The following TSPAN8 variants were observed in gnomAD, a reference collection of about 807,000 sequenced individuals.
The protein encoded by TSPAN8 is tetraspanin 8, also known as tetraspanin-8.
Under a neutral mutation model 32.8 loss-of-function variants are expected in TSPAN8, and 21 were observed. That is an observed-to-expected ratio of 0.64 (90% CI 0.45 to 0.92). The LOEUF (loss-of-function observed/expected upper bound fraction) is 0.92, where lower values mean the gene tolerates loss of function less well. Among genes scored for constraint, TSPAN8 ranks in the 40% least tolerant of loss-of-function variants. The probability of loss-of-function intolerance (pLI) is 0.00; values close to 1 mark genes in which losing one functional copy is unlikely to be tolerated. For synonymous variants in TSPAN8, 95 were observed against 94.6 expected (o/e 1.00, Z -0.03); for missense variants, 269 against 281.9 (o/e 0.95, Z 0.33).
chr12:71,152,344 G>A (rs188486688), intron 2 of TSPAN8, among the ~76,000 whole-genome samples: 13 of 151,976 alleles, frequency 8.6e-5, no homozygotes, highest in East Asian at 7.7e-4. Flanking sequence ...TTTCCTCTTC[G>A]TTTTAAAACT....
At chr12:71,135,486 G>A (rs561300192) in intron 6 of TSPAN8, among the ~76,000 whole-genome samples, 9 of 146,892 alleles carry the variant, frequency 6.1e-5, no homozygotes, top group Middle Eastern at 3.5e-3. Context: ...AAGGGGAGGC[G>A]GAGGAGAAGA....
intron 8 of TSPAN8, among the ~76,000 whole-genome samples, chr12:71,126,806 G>C (rs555005332): frequency 6.6e-6 from 1 of 150,824 alleles, no homozygotes; most frequent in African/African-American, 2.4e-5. Context: ...ATCATCTTTT[G>C]TGCTTGTAAG....
intron 2 of TSPAN8, among the ~76,000 whole-genome samples, chr12:71,145,501 G>GAC (rs995737499): frequency 3.3e-5 from 5 of 151,730 alleles, no homozygotes; most frequent in Non-Finnish European, 4.4e-5. Flanking sequence ...CACACACATA[G>GAC]ACACACACAC....
intron 6 of TSPAN8, among the ~76,000 whole-genome samples, chr12:71,135,621 T>A (rs996515433): frequency 6.6e-6 from 1 of 152,084 alleles, no homozygotes; most frequent in African/African-American, 2.4e-5. Context: ...CACAAGGAAC[T>A]TCAGGCACAG....
chr12:71,147,489 TAAGAA>T (rs996726276), intron 2 of TSPAN8, among the ~76,000 whole-genome samples: 3 of 152,094 alleles, frequency 2.0e-5, no homozygotes, highest in African/African-American at 4.8e-5. Flanking sequence ...TAAAAAAGAA[TAAGAA>T]AATATGCAAG....
At position 71,142,434 on chromosome 12, in the gene TSPAN8, A is replaced by T. The variant is rs150165025; in HGVS notation, c.123+1717T>A. On this transcript the variant is annotated intron_variant, in intron 3 of 8. Transcript: ENST00000247829. ...GAAAGAAAATACCAACAGGAAGTAA[A>T]ATTAAAATAAAATAAATTGCAGGCT... Among the ~76,000 whole-genome samples the T allele has an allele frequency of 2.1e-3, 315 of 152,282 alleles. 2 individuals are homozygous for T. Among genetic ancestry groups the T allele is most frequent in the African/African-American group, 7.4e-3 (308 of 41,548 alleles).
At chr12:71,152,874 A>T (rs955615612) in intron 2 of TSPAN8, among the ~76,000 whole-genome samples, 2 of 152,210 alleles carry the variant, frequency 1.3e-5, no homozygotes, top group East Asian at 1.9e-4. Context: ...CTCTCAGCAC[A>T]TCCAATCTCA....
Position 71,129,420 on chromosome 12 carries a change from A to T in TSPAN8, c.577-6T>A, listed in dbSNP as rs749082768. 7 of 267,808 alleles carry T rather than the reference A, an allele frequency of 2.6e-5. No homozygotes were observed. Among genetic ancestry groups the T allele is most frequent in the Admixed American group, 7.1e-5 (1 of 14,022 alleles). 16.6% of individuals were successfully genotyped at this position (267,808 alleles called of 1,614,324 possible). ...TTTATGAAAGAAATACAGGTCTGTTAAAAAAAAAAAACATTAAAAGTTACC... is the reference window on the plus strand; with the variant it reads ...TTTATGAAAGAAATACAGGTCTGTTTAAAAAAAAAAACATTAAAAGTTACC... On this transcript the variant is annotated splice_region_variant and splice_polypyrimidine_tract_variant and intron_variant, in intron 7 of 8. Coordinates refer to ENST00000247829, the MANE Select transcript of TSPAN8 (RefSeq NM_004616.3).
intron 3 of TSPAN8, among the ~76,000 whole-genome samples, chr12:71,142,755 C>T (rs1262677074): frequency 2.0e-5 from 3 of 151,368 alleles, no homozygotes; most frequent in Non-Finnish European, 4.4e-5. Context: ...ATGTGGAAGC[C>T]GCTAATTGCC....
intron 4 of TSPAN8, 21 bp downstream of exon 4, chr12:71,139,690 G>C: frequency 6.2e-7 from 1 of 1,611,238 alleles, no homozygotes; most frequent in Non-Finnish European, 8.5e-7. Flanking sequence ...TTGGACACTG[G>C]GATTTGTTTG....
At chr12:71,149,902 G>C (rs1036607648) in intron 2 of TSPAN8, among the ~76,000 whole-genome samples, 1 of 152,218 alleles carries the variant, frequency 6.6e-6, no homozygotes, top group Non-Finnish European at 1.5e-5. Flanking sequence ...CGAGCAAAAA[G>C]AGCCATATTT....
At chr12:71,141,191 T>C (rs754100707) in intron 3 of TSPAN8, among the ~76,000 whole-genome samples, 15 of 152,232 alleles carry the variant, frequency 9.9e-5, no homozygotes, top group Non-Finnish European at 1.8e-4. Context: ...ACCTCTGTGA[T>C]AGCCAAGGCC....
intron 6 of TSPAN8, among the ~76,000 whole-genome samples, chr12:71,135,550 AG>A (rs1871670477): frequency 1.3e-5 from 2 of 151,854 alleles, no homozygotes; most frequent in African/African-American, 4.8e-5. Context: ...GGAAAGAAGG[AG>A]AAGAAGGAGG....
chr12:71,157,508 C>T (rs1453105841), intron 2 of TSPAN8, 111 bp downstream of exon 2: 3 of 729,556 alleles, frequency 4.1e-6, no homozygotes, highest in African/African-American at 3.5e-5. Flanking sequence ...ATGGAAAATA[C>T]ATTTTCCCCC....
At chr12:71,127,532 TTA>T (rs1357156621) in intron 8 of TSPAN8, among the ~76,000 whole-genome samples, 9 of 152,158 alleles carry the variant, frequency 5.9e-5, no homozygotes, top group Non-Finnish European at 1.2e-4. Flanking sequence ...CGGTTCTGTT[TTA>T]TGATAGTAAC....
rs1440644352 is a variant in TSPAN8 at position 71,156,263 on chromosome 12, AAAAAACAAAC to A, written c.60+1346_60+1355del. 1.6e-3 allele frequency among the ~76,000 whole-genome samples: 106 copies of A among 65,196 alleles called. 4 individuals are homozygous for A. Among genetic ancestry groups the A allele is most frequent in the South Asian group, 6.5e-3 (14 of 2,148 alleles). 42.8% of individuals were successfully genotyped at this position (65,196 alleles called of 152,430 possible). Reference sequence around the variant, plus strand: ...TTCAAAGTTCTCCAAAAAAAAAAAAAAAAAACAAACAAAAAAAAAACTAGAAACAAAACAA... The same window carrying A: ...TTCAAAGTTCTCCAAAAAAAAAAAAAAAAAAAAAAACTAGAAACAAAACAA... On this transcript the variant is annotated intron_variant, in intron 2 of 8. Coordinates refer to ENST00000247829, the MANE Select transcript of TSPAN8 (RefSeq NM_004616.3).
intron 3 of TSPAN8, among the ~76,000 whole-genome samples, chr12:71,141,231 G>C (rs1033593313): frequency 1.3e-5 from 2 of 152,192 alleles, no homozygotes; most frequent in African/African-American, 4.8e-5. Flanking sequence ...TATGCTTACA[G>C]ATAATGTTTC....
At chr12:71,141,672 T>C (rs1296355831) in intron 3 of TSPAN8, among the ~76,000 whole-genome samples, 1 of 152,232 alleles carries the variant, frequency 6.6e-6, no homozygotes, top group African/African-American at 2.4e-5. Context: ...GTGTGTTGAC[T>C]GTCTAGTGGT....
At chr12:71,129,880 GT>G in intron 7 of TSPAN8, among the ~76,000 whole-genome samples, 1 of 151,422 alleles carries the variant, frequency 6.6e-6, no homozygotes, top group Non-Finnish European at 1.5e-5. Flanking sequence ...AAGGTTTCTG[GT>G]TGAGATTTTA....
Sources: gnomAD v4.1 joint callset for allele counts (sites outside exome capture counted in the v4.1 genomes callset) on GRCh38, gnomAD v4.1.1 for gene constraint, MANE v1.5 for transcripts, NCBI Gene and HGNC (gene_info 2026-07-23, HGNC 2026-07-21) for gene names.